The following ADCY8 variants were observed in gnomAD, a reference collection of about 807,000 sequenced individuals.
ADCY8 encodes adenylate cyclase type 8.
A neutral mutation model predicts 119.7 loss-of-function variants in ADCY8; 51 were observed. The observed-to-expected ratio is 0.43, with a 90% CI of 0.34 to 0.54. ADCY8 has a LOEUF of 0.54. Ranked by LOEUF, ADCY8 falls within the 20% of genes least tolerant of loss-of-function variation. The pLI is 0.03. For missense variants in ADCY8, 1,383 were observed against 1,598.8 expected, an observed-to-expected ratio of 0.87 and a Z score of 2.30; for synonymous variants, 665 against 651.0, an observed-to-expected ratio of 1.02 and a Z score of -0.33.
rs1821285939 is a variant in ADCY8, at chr8:130,951,930, C to A, written c.1179G>T (p.Val393=). Reference sequence around the variant, plus strand: ...ACTGGTGCTGCAGGTGCTCATCTTCCACATTGGTCATGTCGTTGATCATTT... The same window carrying A: ...ACTGGTGCTGCAGGTGCTCATCTTCAACATTGGTCATGTCGTTGATCATTT... The part of the protein sequence containing the change: ...VLEMINDMTN[V]EDEHLQHQFH... The change falls in exon 3 of 18, where the codon GTG becomes GTT. Residue 393 remains valine, a synonymous_variant. Transcript: ENST00000286355. 14 of 1,614,004 alleles carry A rather than the reference C, an allele frequency of 8.7e-6. No homozygotes were observed. Among genetic ancestry groups the A allele is most frequent in the Non-Finnish European group, 1.2e-5 (14 of 1,180,028 alleles).
In ADCY8 at chr8:130,836,525, T is replaced by C. The variant is rs575804229; in HGVS notation, c.2503-76A>G. 9.0e-5 allele frequency: 131 copies of C among 1,462,800 alleles called. No individual in the cohort carries two copies. The Middle Eastern group carries it at 1.7e-3, about 19-fold the overall frequency. The allele number at this position is 1,462,800 out of a possible 1,614,324, so 90.6% of individuals were successfully genotyped here. A position where few individuals can be genotyped will look rare whatever the true frequency, so the allele number is the denominator to read the frequency against. The stretch of plus-strand genomic sequence containing the variant: ...TCTCCTAGCCATGGATGCTAGTAGG[T>C]CTTACACACATTTGCAGAGAGTTTC... On this transcript the variant is annotated intron_variant, in intron 11 of 17. Coordinates refer to ENST00000286355, the MANE Select transcript of ADCY8 (RefSeq NM_001115.3).
chr8:130,964,817 A>G (rs1234454251), intron 2 of ADCY8, among the ~76,000 whole-genome samples: 1 of 152,236 alleles, frequency 6.6e-6, no homozygotes, highest in Non-Finnish European at 1.5e-5. Context: ...CCTTTTCTGC[A>G]CAGTCTCACC....
chr8:130,831,975 T>C (rs1465610171), intron 12 of ADCY8, among the ~76,000 whole-genome samples: 1 of 152,222 alleles, frequency 6.6e-6, no homozygotes, highest in Non-Finnish European at 1.5e-5. Flanking sequence ...TTCTACAGCA[T>C]AGGGACTATT....
At chr8:130,978,562 C>T (rs544311733) in intron 2 of ADCY8, among the ~76,000 whole-genome samples, 7 of 152,072 alleles carry the variant, frequency 4.6e-5, no homozygotes, top group Non-Finnish European at 7.4e-5. Flanking sequence ...GTTTAAATAT[C>T]AGGATAGATA....
chr8:130,948,410 T>C (rs7815277), intron 3 of ADCY8, among the ~76,000 whole-genome samples: 32,355 of 151,930 alleles, frequency 0.21, 6,483 homozygotes, highest in African/African-American at 0.54. Context: ...CTGAAGTCAA[T>C]TTGAGCGTTC....
chr8:130,931,856 T>G (rs990935949), intron 5 of ADCY8, among the ~76,000 whole-genome samples: 5 of 152,194 alleles, frequency 3.3e-5, no homozygotes, highest in African/African-American at 9.6e-5. Flanking sequence ...TTTATTAATT[T>G]TTTTTTGCAT....
chr8:130,818,894 AC>A lies in ADCY8; in HGVS notation c.2754+2447del, dbSNP rs571687948. 5.9e-5 allele frequency among the ~76,000 whole-genome samples: 9 copies of A among 152,294 alleles called. No individual in the cohort carries two copies. In the South Asian group the frequency reaches 1.9e-3, roughly 32 times the overall value. ...TCTGGCGTTTCTTACAGGCTTTGTGACCTCAGGGGACTTCAATCTCTGTTCT... is the reference window on the plus strand; with the variant it reads ...TCTGGCGTTTCTTACAGGCTTTGTGACTCAGGGGACTTCAATCTCTGTTCT... On this transcript the variant is annotated intron_variant, in intron 13 of 17. Coordinates refer to ENST00000286355, the MANE Select transcript of ADCY8 (RefSeq NM_001115.3).
At chr8:130,962,919 A>G (rs1452444865) in intron 2 of ADCY8, among the ~76,000 whole-genome samples, 1 of 152,220 alleles carries the variant, frequency 6.6e-6, no homozygotes, top group Non-Finnish European at 1.5e-5. Context: ...ATCACACATT[A>G]CGTAGCACAC....
intron 1 of ADCY8, among the ~76,000 whole-genome samples, chr8:131,003,863 GAGA>G (rs905092431): frequency 3.9e-5 from 6 of 152,070 alleles, no homozygotes; most frequent in Admixed American, 6.6e-5. Flanking sequence ...AGAAGTGTGG[GAGA>G]AGAAGGAGGA....
At chr8:130,973,293 C>A (rs1035336215) in intron 2 of ADCY8, among the ~76,000 whole-genome samples, 1 of 152,226 alleles carries the variant, frequency 6.6e-6, no homozygotes, top group Admixed American at 6.5e-5. Flanking sequence ...TGATTCTTGG[C>A]TTAGTCATGC....
In ADCY8 at chr8:130,871,031, T is replaced by C. The variant is rs932712267; in HGVS notation, c.2110-3085A>G. Among the ~76,000 whole-genome samples the C allele has an allele frequency of 2.6e-5, 4 of 152,204 alleles. No homozygotes were observed. The East Asian group carries it at 7.7e-4, about 29-fold the overall frequency. ...ACATAAAAGAAGAATCTTATAATTG[T>C]GAAGTTGACATCATCAAATATAAAA... On this transcript the variant is annotated intron_variant, in intron 8 of 17. Transcript: ENST00000286355.
intron 2 of ADCY8, among the ~76,000 whole-genome samples, chr8:130,979,259 C>T (rs112440851): frequency 0.012 from 1,829 of 152,286 alleles, 46 homozygotes; most frequent in African/African-American, 0.042. Context: ...AAGCTGGCAC[C>T]TTCATGGGCT....
chr8:130,900,296 A>T (rs1256884227), intron 7 of ADCY8, among the ~76,000 whole-genome samples: 1 of 152,186 alleles, frequency 6.6e-6, no homozygotes, highest in South Asian at 2.1e-4. Context: ...GCAGACAGAA[A>T]CTGGAAGACT....
chr8:130,836,897 C>A lies in ADCY8; in HGVS notation c.2503-448G>T, dbSNP rs527612377. 2.8e-4 allele frequency among the ~76,000 whole-genome samples: 43 copies of A among 152,254 alleles called. No homozygotes were observed. In the South Asian group the frequency reaches 8.7e-3, roughly 31 times the overall value. ...TACAGGCACATGCCACCACACCTGG[C>A]TAACTTTTCTATTTTTAGTAAAGAT... On this transcript the variant is annotated intron_variant, in intron 11 of 17. Coordinates refer to ENST00000286355, the MANE Select transcript of ADCY8 (RefSeq NM_001115.3).
chr8:130,849,594 A>T lies in ADCY8; in HGVS notation c.2412+8T>A. 6.2e-7 allele frequency: 1 copy of T among 1,613,768 alleles called. No individual in the cohort carries two copies. The highest frequency in any genetic ancestry group is 8.5e-7 in the Non-Finnish European group (1 of 1,179,754). On this transcript the variant is annotated splice_region_variant and intron_variant, in intron 10 of 17. Coordinates refer to ENST00000286355, the MANE Select transcript of ADCY8 (RefSeq NM_001115.3). ...ACACCAGAGGGTTGGTGGATGTGGG[A>T]TGCTTACGATATTTAAGATGGCACC...
chr8:130,790,252 AT>A (rs1486941017), intron 15 of ADCY8, among the ~76,000 whole-genome samples: 1 of 152,178 alleles, frequency 6.6e-6, no homozygotes, highest in African/African-American at 2.4e-5. Flanking sequence ...GCACATTTCA[AT>A]TCCCATTCTC....
chr8:130,990,507 G>A lies in ADCY8; in HGVS notation c.996C>T (p.Asn332=). 9.3e-6 allele frequency: 15 copies of A among 1,614,152 alleles called. No individual in the cohort carries two copies. The highest frequency in any genetic ancestry group is 1.2e-5 in the Non-Finnish European group (14 of 1,180,000). ...VAQAVLFMCM[N]TAGIFISYLS... is the part of the protein sequence containing the mutation. ...GGTAACTGATGAAGATTCCAGCTGT[G>A]TTCATACACATGAATAGCACTGCCT... The change falls in exon 2 of 18, where the codon AAC becomes AAT. Residue 332 remains asparagine, a synonymous_variant. Transcript: ENST00000286355.
chr8:130,888,480 T>C (rs1371258316), intron 7 of ADCY8, among the ~76,000 whole-genome samples: 9 of 152,064 alleles, frequency 5.9e-5, no homozygotes, highest in Non-Finnish European at 1.0e-4. Flanking sequence ...TGGCCTCTCA[T>C]GACTGAGTTT....
At chr8:130,941,796 G>T (rs1337868402) in intron 4 of ADCY8, among the ~76,000 whole-genome samples, 4 of 152,058 alleles carry the variant, frequency 2.6e-5, no homozygotes, top group East Asian at 1.9e-4. Flanking sequence ...AATCTCTTCT[G>T]GTTTCTTCAC....
Sources: allele counts gnomAD v4.1 joint callset (sites outside exome capture counted in the v4.1 genomes callset), GRCh38; gene constraint gnomAD v4.1.1; transcripts MANE v1.5; gene names NCBI Gene and HGNC (gene_info 2026-07-23, HGNC 2026-07-21).